The following KIF20B variants were observed in gnomAD, a reference collection of about 807,000 sequenced individuals.
The protein encoded by KIF20B is kinesin-like protein KIF20B.
Under a neutral mutation model 232.5 loss-of-function variants are expected in KIF20B, and 188 were observed. The ratio of observed to expected loss-of-function variants is 0.81; its 90% CI spans 0.72 to 0.91. KIF20B has a LOEUF of 0.91. KIF20B is among the 40% of genes least tolerant of loss of function. The pLI is 0.00. For synonymous variants in KIF20B, 712 were observed against 683.0 expected, an observed-to-expected ratio of 1.04 and a Z score of -0.66; for missense variants, 2,154 against 2,055.9, an observed-to-expected ratio of 1.05 and a Z score of -0.92.
At position 89,738,367 on chromosome 10, in the gene KIF20B, G is replaced by C; in HGVS notation, c.3526G>C (p.Glu1176Gln). ...LETILETQKV[E>Q]CSHSAKLEQD... ...AACAATTTTAGAGACTCAGAAAGTT[G>C]AATGTAGTCATTCAGCCAAGTTAGA... Residue 1176 changes from glutamate to glutamine, a missense_variant, in exon 20 of 33, where the codon GAA (glutamate) becomes CAA (glutamine). By Grantham distance (29) the Glu-to-Gln change is conservative. Coordinates refer to ENST00000371728, the MANE Select transcript of KIF20B (RefSeq NM_001284259.2). The C allele has an allele frequency of 6.2e-7, 1 of 1,609,246 alleles. No homozygotes were observed. Among genetic ancestry groups the C allele is most frequent in the African/African-American group, 1.3e-5 (1 of 74,686 alleles).
intron 12 of KIF20B, among the ~76,000 whole-genome samples, chr10:89,719,134 A>T (rs767760885): frequency 6.6e-6 from 1 of 152,162 alleles, no homozygotes; most frequent in Non-Finnish European, 1.5e-5. Context: ...TCTGCCATTC[A>T]TCTTGTTCAT....
chr10:89,751,119 A>G (rs559565927), intron 23 of KIF20B, among the ~76,000 whole-genome samples: 26 of 152,204 alleles, frequency 1.7e-4, no homozygotes, highest in East Asian at 1.2e-3. Context: ...CACTCTTGCA[A>G]TCATCCAAGC....
At chr10:89,737,022 G>C (rs955153149) in intron 19 of KIF20B, among the ~76,000 whole-genome samples, 3 of 151,996 alleles carry the variant, frequency 2.0e-5, no homozygotes, top group Non-Finnish European at 4.4e-5. Flanking sequence ...AGGGTTTCTC[G>C]TCATCTCCTC....
chr10:89,717,100 G>T (rs1167855941), intron 9 of KIF20B, among the ~76,000 whole-genome samples: 1 of 152,142 alleles, frequency 6.6e-6, no homozygotes, highest in Non-Finnish European at 1.5e-5. Flanking sequence ...TCAGAGTATT[G>T]GCTAGCTGTA....
At chr10:89,738,837 T>C in intron 20 of KIF20B, 121 bp from the exon 21 acceptor site, 1 of 1,229,284 alleles carries the variant, frequency 8.1e-7, no homozygotes, top group Non-Finnish European at 1.1e-6. Context: ...AACTCATTCA[T>C]AGTTTGGATA....
At chr10:89,728,501 T>TTAAA (rs1240362150) in intron 17 of KIF20B, among the ~76,000 whole-genome samples, 1 of 149,610 alleles carries the variant, frequency 6.7e-6, no homozygotes, top group Non-Finnish European at 1.5e-5. Context: ...GTGACATAGT[T>TTAAA]TTTTTAGTTT....
chr10:89,738,383 C>T lies in KIF20B; in HGVS notation c.3542C>T (p.Ala1181Val). 1 of 1,605,478 alleles carries T rather than the reference C, an allele frequency of 6.2e-7. No homozygotes were observed. The highest frequency in any genetic ancestry group is 2.2e-5 in the East Asian group (1 of 44,732). ...ETQKVECSHS[A>V]KLEQDILEKE... ...CAGAAAGTTGAATGTAGTCATTCAG[C>T]CAAGTTAGAACAAGACATTTTGGAA... Residue 1181 changes from alanine to valine, a missense_variant, in exon 20 of 33, where the codon GCC (alanine) becomes GTC (valine). Physicochemically the swap from Ala to Val is moderately conservative, Grantham distance 64. Transcript: ENST00000371728.
intron 13 of KIF20B, among the ~76,000 whole-genome samples, chr10:89,721,971 G>A (rs947619167): frequency 1.1e-4 from 17 of 152,158 alleles, no homozygotes; most frequent in African/African-American, 3.9e-4. Context: ...GAGTGCAATA[G>A]TGTAGTTATG....
At chr10:89,716,382 A>G (rs1842934120) in intron 8 of KIF20B, 54 bp from the exon 9 acceptor site, 2 of 769,996 alleles carry the variant, frequency 2.6e-6, no homozygotes, top group Non-Finnish European at 4.2e-6. Context: ...ATTACATTGT[A>G]GAACACATTC....
At chr10:89,735,774 G>T (rs989432417) in intron 19 of KIF20B, among the ~76,000 whole-genome samples, 1 of 151,836 alleles carries the variant, frequency 6.6e-6, no homozygotes, top group African/African-American at 2.4e-5. Flanking sequence ...TCCTGACCTC[G>T]TGATCCACCC....
At position 89,715,109 on chromosome 10, in the gene KIF20B, TG is replaced by T. The variant is rs1564658789; in HGVS notation, c.868del (p.Val290TyrfsTer17). On this transcript the variant is annotated frameshift_variant, in exon 8 of 33. Transcript: ENST00000371728. LOFTEE classifies it high-confidence loss of function. The part of the protein sequence containing the change: ...NEYIYDLFVP[V>X]SSKFQKRKML... ...AATATATTTATGACTTATTTGTTCCTGTATCATCTAAATTCCAAAAGAGAAA... is the reference window on the plus strand; with the variant it reads ...AATATATTTATGACTTATTTGTTCCTTATCATCTAAATTCCAAAAGAGAAA... 6.2e-7 allele frequency: 1 copy of T among 1,608,806 alleles called. No individual in the cohort carries two copies.
chr10:89,735,535 CTTT>C (rs397947713), intron 19 of KIF20B, among the ~76,000 whole-genome samples: 5 of 108,140 alleles, frequency 4.6e-5, no homozygotes, highest in Admixed American at 1.0e-4. Flanking sequence ...TAGTAAGTGT[CTTT>C]TTTTTTTTTT....
intron 31 of KIF20B, among the ~76,000 whole-genome samples, chr10:89,769,247 G>A (rs1229089583): frequency 6.6e-6 from 1 of 151,940 alleles, no homozygotes; most frequent in Non-Finnish European, 1.5e-5. Flanking sequence ...TGAAATGTGG[G>A]CAGGAGTACA....
At chr10:89,721,400 A>G (rs893783287) in intron 13 of KIF20B, among the ~76,000 whole-genome samples, 4 of 152,164 alleles carry the variant, frequency 2.6e-5, no homozygotes, top group Non-Finnish European at 4.4e-5. Context: ...TGGCTGGTGC[A>G]GTGGCTCACA....
intron 21 of KIF20B, among the ~76,000 whole-genome samples, chr10:89,742,860 C>T (rs553330201): frequency 4.6e-5 from 7 of 151,890 alleles, no homozygotes; most frequent in Non-Finnish European, 1.0e-4. Flanking sequence ...CCACCATGCC[C>T]GGCTAATGTT....
chr10:89,709,471 A>T lies in KIF20B; in HGVS notation c.351+10A>T, dbSNP rs1564656920. ...ATTCAGTTTTTCCAAGGTAAAACTGAAGTGTTTTTGTTTTTTGTTTTAAAG... is the reference window on the plus strand; with the variant it reads ...ATTCAGTTTTTCCAAGGTAAAACTGTAGTGTTTTTGTTTTTTGTTTTAAAG... On this transcript the variant is annotated intron_variant, in intron 4 of 32. Coordinates refer to ENST00000371728, the MANE Select transcript of KIF20B (RefSeq NM_001284259.2). The T allele has an allele frequency of 6.4e-7, 1 of 1,568,758 alleles. No individual in the cohort carries two copies. The highest frequency in any genetic ancestry group is 1.7e-4 in the Middle Eastern group (1 of 5,978).
intron 18 of KIF20B, among the ~76,000 whole-genome samples, chr10:89,730,393 A>G (rs1207535839): frequency 6.6e-6 from 1 of 152,162 alleles, no homozygotes; most frequent in African/African-American, 2.4e-5. Context: ...TACTACCCTA[A>G]CAATCCCCCA....
In KIF20B at chr10:89,719,785, C is replaced by T; in HGVS notation, c.1722+79C>T. On this transcript the variant is annotated intron_variant, in intron 13 of 32. Transcript: ENST00000371728. Reference sequence around the variant, plus strand: ...GTTAAATCTTAAGGCTCTCTCTCTTCAGTTTTTTTCAACAGTACACTGAAG... The same window carrying T: ...GTTAAATCTTAAGGCTCTCTCTCTTTAGTTTTTTTCAACAGTACACTGAAG... 3.3e-6 allele frequency: 4 copies of T among 1,200,026 alleles called. No homozygotes were observed. In the South Asian group the frequency reaches 6.5e-5, roughly 20 times the overall value. The allele number at this position is 1,200,026 out of a possible 1,614,324, so 74.3% of individuals were successfully genotyped here. A position where few individuals can be genotyped will look rare whatever the true frequency, so the allele number is the denominator to read the frequency against.
chr10:89,744,740 T>C (rs915021416), intron 22 of KIF20B, among the ~76,000 whole-genome samples: 9 of 152,208 alleles, frequency 5.9e-5, no homozygotes, highest in Non-Finnish European at 1.2e-4. Context: ...TTTTCATGTT[T>C]GCTTTTAAAT....
Sources: gnomAD v4.1 joint callset for allele counts (sites outside exome capture counted in the v4.1 genomes callset) on GRCh38, gnomAD v4.1.1 for gene constraint, MANE v1.5 for transcripts, NCBI Gene and HGNC (gene_info 2026-07-23, HGNC 2026-07-21) for gene names.